Variants in ALG9 observed in about 807,000 individuals in gnomAD.
The protein encoded by ALG9 is ALG9 alpha-1,2-mannosyltransferase.
Under a neutral mutation model 81.8 loss-of-function variants are expected in ALG9, and 55 were observed. The ratio of observed to expected loss-of-function variants is 0.67; its 90% CI spans 0.54 to 0.84. The LOEUF (loss-of-function observed/expected upper bound fraction) is 0.84. Ranked by LOEUF, ALG9 falls within the 40% of genes least tolerant of loss-of-function variation. ALG9 has a pLI of 0.00. For synonymous variants in ALG9, 278 were observed against 274.3 expected, an observed-to-expected ratio of 1.01 and a Z score of -0.13; for missense variants, 629 against 745.0, an observed-to-expected ratio of 0.84 and a Z score of 1.81.
chr11:111,852,203 G>A (rs1177502273), intron 8 of ALG9, among the ~76,000 whole-genome samples: 1 of 152,118 alleles, frequency 6.6e-6, no homozygotes, highest in Non-Finnish European at 1.5e-5. Flanking sequence ...CCCAAAGCAA[G>A]CCCTTATACA....
chr11:111,816,996 A>C (rs1049743576), intron 13 of ALG9, among the ~76,000 whole-genome samples: 1 of 152,206 alleles, frequency 6.6e-6, no homozygotes, highest in East Asian at 1.9e-4. Flanking sequence ...AGACTTCCTA[A>C]AGTTGGTAAT....
chr11:111,806,125 G>T (rs1949893437), intron 14 of ALG9, among the ~76,000 whole-genome samples: 1 of 152,056 alleles, frequency 6.6e-6, no homozygotes, highest in South Asian at 2.1e-4. Flanking sequence ...CTCCCAAAGT[G>T]CTGGGATTAC....
Position 111,808,850 on chromosome 11 carries a change from A to T in ALG9, c.1733+793T>A, listed in dbSNP as rs117890611. ...AACTCCTCTTCCCCATTACTCCCTTATCTGAATGCCTGATCCCCTCTTATC... is the reference window on the plus strand; with the variant it reads ...AACTCCTCTTCCCCATTACTCCCTTTTCTGAATGCCTGATCCCCTCTTATC... On this transcript the variant is annotated intron_variant, in intron 14 of 14. Coordinates refer to ENST00000616540, the MANE Select transcript of ALG9 (RefSeq NM_024740.2). Among the ~76,000 whole-genome samples the T allele has an allele frequency of 3.1e-3, 475 of 152,126 alleles. 16 individuals are homozygous for T. In the East Asian group the frequency reaches 0.069, roughly 22 times the overall value.
chr11:111,835,610 C>T (rs1955106030), intron 13 of ALG9, among the ~76,000 whole-genome samples: 2 of 152,064 alleles, frequency 1.3e-5, no homozygotes, highest in Non-Finnish European at 2.9e-5. Context: ...AAACTTCTAC[C>T]GTAAGAAAAC....
chr11:111,857,669 T>A lies in ALG9; in HGVS notation c.634A>T (p.Thr212Ser). ...IAMTGWYMDKTSIAVLGVAAG... is the reference protein window; with the variant it reads ...IAMTGWYMDKSSIAVLGVAAG... ...GCTACTCCCAGCACAGCAATGGAAG[T>A]CTTGTCCATATACCATCCAGTCATG... The change falls in exon 6 of 15, where the codon ACT (threonine) becomes TCT (serine). Residue 212 changes from threonine (T) to serine (S), a missense_variant. Coordinates refer to ENST00000616540, the MANE Select transcript of ALG9 (RefSeq NM_024740.2). 1 of 1,614,164 alleles carries A rather than the reference T, an allele frequency of 6.2e-7. No homozygotes were observed. Among genetic ancestry groups the A allele is most frequent in the South Asian group, 1.1e-5 (1 of 91,084 alleles).
At chr11:111,850,850 G>C (rs1248031921) in intron 8 of ALG9, among the ~76,000 whole-genome samples, 3 of 151,926 alleles carry the variant, frequency 2.0e-5, no homozygotes, top group African/African-American at 7.3e-5. Flanking sequence ...GTTCATGGTT[G>C]GTATGCCAAT....
At chr11:111,858,336 G>A (rs1322912990) in intron 5 of ALG9, among the ~76,000 whole-genome samples, 3 of 151,936 alleles carry the variant, frequency 2.0e-5, no homozygotes, top group African/African-American at 4.8e-5. Flanking sequence ...AGAATTCCAC[G>A]CTCCCCAGGA....
At chr11:111,834,929 T>C (rs1330566252) in intron 13 of ALG9, among the ~76,000 whole-genome samples, 2 of 152,232 alleles carry the variant, frequency 1.3e-5, no homozygotes, top group African/African-American at 2.4e-5. Flanking sequence ...GAAACGCCTG[T>C]CTTACAAGGG....
chr11:111,774,729 T>G, the ALG9 span, among the ~76,000 whole-genome samples: 1 of 152,218 alleles, frequency 6.6e-6, no homozygotes, highest in East Asian at 1.9e-4. Flanking sequence ...CCATGAAGAT[T>G]ATTACCTATT....
At position 111,822,554 on chromosome 11, in the gene ALG9, A is replaced by C. The variant is rs993099499; in HGVS notation, c.1603-12781T>G. Reference sequence around the variant, plus strand: ...TAGTGAGACCTCGTCTCTACAAAAAATACAAAAATTTAGCTGGGTGTGGTG... The same window carrying C: ...TAGTGAGACCTCGTCTCTACAAAAACTACAAAAATTTAGCTGGGTGTGGTG... On this transcript the variant is annotated intron_variant, in intron 13 of 14. Transcript: ENST00000616540. Among the ~76,000 whole-genome samples the C allele has an allele frequency of 2.5e-4, 38 of 152,032 alleles. 1 individual carries two copies. The highest frequency in any genetic ancestry group is 6.6e-4 in the Admixed American group (10 of 15,250).
intron 8 of ALG9, among the ~76,000 whole-genome samples, chr11:111,850,694 G>A (rs1269143967): frequency 1.7e-5 from 1 of 59,634 alleles, no homozygotes; most frequent in Non-Finnish European, 2.6e-5. Flanking sequence ...GTGACAGAGC[G>A]AGATACTGTC....
At chr11:111,822,062 C>T (rs1555104354) in intron 13 of ALG9, among the ~76,000 whole-genome samples, 1 of 152,106 alleles carries the variant, frequency 6.6e-6, no homozygotes, top group South Asian at 2.1e-4. Context: ...ATAAAACAAA[C>T]ATTAGAAGTG....
At chr11:111,803,408 G>A (rs184371712) in intron 14 of ALG9, among the ~76,000 whole-genome samples, 460 of 151,632 alleles carry the variant, frequency 3.0e-3, no homozygotes, top group African/African-American at 0.011. Context: ...GGCTGAGGCA[G>A]GAGAATCGCT....
intron 14 of ALG9, chr11:111,788,602 T>C (rs782076577): frequency 2.6e-6 from 1 of 381,256 alleles, no homozygotes; most frequent in South Asian, 2.0e-5. Context: ...AAAATTAGCC[T>C]GGCAGGGTGG....
intron 13 of ALG9, among the ~76,000 whole-genome samples, chr11:111,812,944 C>CAGTG (rs1950959482): frequency 8.7e-6 from 1 of 115,152 alleles, no homozygotes; most frequent in Non-Finnish European, 1.8e-5. Context: ...GAAATTAATA[C>CAGTG]AGTGAGGAAT....
intron 13 of ALG9, among the ~76,000 whole-genome samples, chr11:111,820,321 A>C (rs1555102013): frequency 1.3e-5 from 2 of 151,930 alleles, no homozygotes; most frequent in Non-Finnish European, 2.9e-5. Context: ...CTGGAGGCTG[A>C]TGAGTACAAA....
rs1555159142 is a variant in ALG9, at chr11:111,871,505, T to C, written c.-23A>G. On this transcript the variant is annotated 5_prime_UTR_variant, in exon 1 of 15. Coordinates refer to ENST00000616540, the MANE Select transcript of ALG9 (RefSeq NM_024740.2). ...CATGGCAAGCCTGGGGAAAAAAGAA[T>C]TCGGCACCCTATGAAGTCGGTGAGC... 6.5e-7 allele frequency: 1 copy of C among 1,536,156 alleles called. No homozygotes were observed. The highest frequency in any genetic ancestry group is 8.7e-7 in the Non-Finnish European group (1 of 1,146,520).
intron 13 of ALG9, among the ~76,000 whole-genome samples, chr11:111,816,522 T>C (rs1385477758): frequency 1.3e-5 from 2 of 152,128 alleles, no homozygotes; most frequent in Non-Finnish European, 2.9e-5. Context: ...AGTGCTAGGA[T>C]AACAGGCATG....
chr11:111,802,151 T>C lies in ALG9; in HGVS notation c.1733+7492A>G, dbSNP rs59412549. 9.9e-3 allele frequency among the ~76,000 whole-genome samples: 1,511 copies of C among 152,342 alleles called. 39 individuals are homozygous for C. Among genetic ancestry groups the C allele is most frequent in the African/African-American group, 0.035 (1,450 of 41,578 alleles). ...CTTACCAACTTAAGGTCACGGTTAC[T>C]CATTAGATCACTTCCCTGCAGAAAC... On this transcript the variant is annotated intron_variant, in intron 14 of 14. Coordinates refer to ENST00000616540, the MANE Select transcript of ALG9 (RefSeq NM_024740.2).
Sources: gnomAD v4.1 joint callset for allele counts (sites outside exome capture counted in the v4.1 genomes callset) on GRCh38, gnomAD v4.1.1 for gene constraint, MANE v1.5 for transcripts, NCBI Gene and HGNC (gene_info 2026-07-23, HGNC 2026-07-21) for gene names.